The following ACACA variants were observed in gnomAD, a reference collection of about 807,000 sequenced individuals.
ACACA encodes the protein acetyl-CoA carboxylase alpha, also known as acetyl-CoA carboxylase 1.
A neutral mutation model predicts 296.1 loss-of-function variants in ACACA; 103 were observed. The ratio of observed to expected loss-of-function variants is 0.35; its 90% CI spans 0.30 to 0.41. ACACA has a LOEUF of 0.41. ACACA is among the 10% of genes least tolerant of loss of function. The pLI is 1.00. For missense variants in ACACA, 1,554 were observed against 2,989.7 expected, an observed-to-expected ratio of 0.52 and a Z score of 11.20; for synonymous variants, 953 against 1,038.6, an observed-to-expected ratio of 0.92 and a Z score of 1.58.
intron 3 of ACACA, among the ~76,000 whole-genome samples, chr17:37,297,179 C>T (rs1370792232): frequency 6.6e-6 from 1 of 151,508 alleles, no homozygotes; most frequent in East Asian, 2.0e-4. Flanking sequence ...CGGTGGCTCA[C>T]GCCTGTAATC....
intron 43 of ACACA, among the ~76,000 whole-genome samples, chr17:37,152,891 C>T (rs1334468073): frequency 6.6e-6 from 1 of 152,164 alleles, no homozygotes; most frequent in East Asian, 1.9e-4. Context: ...AGCCCTCCAT[C>T]AATTCTTTTT....
chr17:37,203,107 G>T (rs1261276013), intron 33 of ACACA, among the ~76,000 whole-genome samples: 2 of 151,786 alleles, frequency 1.3e-5, no homozygotes, highest in East Asian at 4.0e-4. Context: ...CGCTACAGGC[G>T]CCCGCCACCA....
At chr17:37,404,062 T>G (rs949327972) in intron 1 of ACACA, among the ~76,000 whole-genome samples, 1 of 152,204 alleles carries the variant, frequency 6.6e-6, no homozygotes, top group Non-Finnish European at 1.5e-5. Context: ...AATGAGCCAC[T>G]GTGCCTGGCC....
Position 37,259,460 on chromosome 17 carries a change from T to A in ACACA, c.1400A>T (p.Asp467Val). 1 of 1,614,160 alleles carries A rather than the reference T, an allele frequency of 6.2e-7. No homozygotes were observed. ...AGTVEYLYSQ[D>V]GSFYFLELNP... ...CAATTCCAGAAAGTAGAAGCTGCCA[T>A]CCTGGCTGTACAGGTATTCCACAGT... The change falls in exon 12 of 56, where the codon GAT (aspartate) becomes GTT (valine). Residue 467 changes from aspartate to valine, a missense_variant. This residue lies in a region of ACACA where 82 missense variants were observed against 185.2 expected (regional missense o/e 0.44). Transcript: ENST00000616317.
rs1271422421 is a variant in ACACA at position 37,134,176 on chromosome 17, T to TCTG, written c.5680-3961_5680-3959dup. On this transcript the variant is annotated intron_variant, in intron 45 of 55. Coordinates refer to ENST00000616317, the MANE Select transcript of ACACA (RefSeq NM_198834.3). ...GCAGTCATACGTCCATGCTCAGGCC[T>TCTG]CTGCTGCTGCTGCTGCTTATCTAGA... is the stretch of plus-strand genomic sequence containing the variant. Among the ~76,000 whole-genome samples, 10 of 152,154 alleles carry TCTG rather than the reference T, an allele frequency of 6.6e-5. 1 individual carries two copies. Among genetic ancestry groups the TCTG allele is most frequent in the South Asian group, 6.2e-4 (3 of 4,828 alleles).
At chr17:37,223,133 A>C (rs914272406) in intron 28 of ACACA, among the ~76,000 whole-genome samples, 2 of 152,196 alleles carry the variant, frequency 1.3e-5, no homozygotes, top group Non-Finnish European at 2.9e-5. Flanking sequence ...AACTAAAATC[A>C]ATTTTAATTT....
chr17:37,089,059 T>C lies in ACACA; in HGVS notation c.6907A>G (p.Asn2303Asp). ...EGTVKAYVWD[N>D]NKDLAEWLEK... ...AGCCACTCCGCCAGATCCTTATTAT[T>C]GTCCCAAACATAAGCCTGCAAACAG... The change falls in exon 55 of 56, where the codon AAT (asparagine) becomes GAT (aspartate). Residue 2303 changes from asparagine to aspartate, a missense_variant. Asn to Asp is a conservative substitution (Grantham distance 23). Around this residue, in one of 16 missense-constraint regions of ACACA, gnomAD observed 553 missense variants for 1,043.6 expected, o/e 0.53. Transcript: ENST00000616317. 1.2e-6 allele frequency: 2 copies of C among 1,614,172 alleles called. No individual in the cohort carries two copies. Among genetic ancestry groups the C allele is most frequent in the Non-Finnish European group, 1.7e-6 (2 of 1,180,026 alleles).
chr17:37,293,699 G>A (rs1567954926), intron 3 of ACACA, among the ~76,000 whole-genome samples: 1 of 151,938 alleles, frequency 6.6e-6, no homozygotes, highest in Non-Finnish European at 1.5e-5. Context: ...ACACCACCAT[G>A]CCCAGCTAGT....
intron 3 of ACACA, among the ~76,000 whole-genome samples, chr17:37,322,725 G>A (rs1283466222): frequency 6.6e-6 from 1 of 152,106 alleles, no homozygotes; most frequent in Non-Finnish European, 1.5e-5. Flanking sequence ...TTGCAATGGT[G>A]GAACGACAAG....
At chr17:37,373,687 T>C (rs1043199612) in intron 1 of ACACA, among the ~76,000 whole-genome samples, 11 of 152,196 alleles carry the variant, frequency 7.2e-5, no homozygotes, top group Non-Finnish European at 2.9e-5. Flanking sequence ...CTTGTGACAC[T>C]GGATGAGAAC....
At chr17:37,260,755 G>GAAAGAA in intron 11 of ACACA, among the ~76,000 whole-genome samples, 1 of 151,902 alleles carries the variant, frequency 6.6e-6, no homozygotes, top group Non-Finnish European at 1.5e-5. Context: ...GAAAAGAAAA[G>GAAAGAA]AAAGAAAAAG....
At chr17:37,342,889 C>CT (rs979897681) in intron 1 of ACACA, among the ~76,000 whole-genome samples, 1 of 152,028 alleles carries the variant, frequency 6.6e-6, no homozygotes, top group Non-Finnish European at 1.5e-5. Flanking sequence ...TGAAGTGCCA[C>CT]TGTACTCCAG....
intron 1 of ACACA, among the ~76,000 whole-genome samples, chr17:37,363,494 T>C (rs1301484591): frequency 6.6e-6 from 1 of 152,060 alleles, no homozygotes; most frequent in East Asian, 1.9e-4. Flanking sequence ...TTTTTCTTTT[T>C]TTAAAGCATC....
intron 18 of ACACA, 103 bp from the exon 19 acceptor site, chr17:37,247,079 T>A: frequency 1.6e-6 from 2 of 1,246,192 alleles, no homozygotes; most frequent in Non-Finnish European, 1.2e-6. Context: ...CTGAAAACTT[T>A]ATTATACACA....
intron 24 of ACACA, among the ~76,000 whole-genome samples, chr17:37,237,854 C>T (rs1351623582): frequency 6.6e-6 from 1 of 152,158 alleles, no homozygotes; most frequent in Non-Finnish European, 1.5e-5. Flanking sequence ...TCGACCTCCC[C>T]AGGCTCAGGC....
chr17:37,326,879 T>C (rs150191884), intron 3 of ACACA, among the ~76,000 whole-genome samples: 90 of 152,122 alleles, frequency 5.9e-4, no homozygotes, highest in African/African-American at 1.5e-3. Context: ...CAGTCTTTCA[T>C]TGGACTCTAG....
intron 52 of ACACA, among the ~76,000 whole-genome samples, chr17:37,106,697 C>T (rs1261103176): frequency 6.6e-6 from 1 of 152,128 alleles, no homozygotes; most frequent in Non-Finnish European, 1.5e-5. Flanking sequence ...CTGTAGTCTT[C>T]ATTATTTTCC....
intron 41 of ACACA, among the ~76,000 whole-genome samples, chr17:37,178,528 G>T (rs1054933034): frequency 3.3e-5 from 5 of 152,102 alleles, no homozygotes; most frequent in Non-Finnish European, 7.4e-5. Context: ...GAAAATCCTG[G>T]CTGGGCACAA....
rs1193127985 is a variant in ACACA at position 37,406,335 on chromosome 17, G to A, written c.-36C>T. 6.2e-7 allele frequency: 1 copy of A among 1,611,966 alleles called. No individual in the cohort carries two copies. Among genetic ancestry groups the A allele is most frequent in the African/African-American group, 1.3e-5 (1 of 74,998 alleles). On this transcript the variant is annotated 5_prime_UTR_variant, in exon 1 of 56. Transcript: ENST00000616317. ...TTGCGCCTCAATTTGGGCCTCTGAAGCCCAAAGAGGGGATGGTTCTTTCCA... is the reference window on the plus strand; with the variant it reads ...TTGCGCCTCAATTTGGGCCTCTGAAACCCAAAGAGGGGATGGTTCTTTCCA...
Sources: gnomAD v4.1 joint callset for allele counts (sites outside exome capture counted in the v4.1 genomes callset) on GRCh38, gnomAD v4.1.1 for gene constraint, gnomAD v4.1.1 regional missense constraint, MANE v1.5 for transcripts, NCBI Gene and HGNC (gene_info 2026-07-23, HGNC 2026-07-21) for gene names.